The following ZFC3H1 variants were observed in gnomAD, a reference collection of about 807,000 sequenced individuals.
The protein encoded by ZFC3H1 is zinc finger C3H1-type containing, also known as zinc finger C3H1 domain-containing protein.
A neutral mutation model predicts 243.7 loss-of-function variants in ZFC3H1; 71 were observed. That is an observed-to-expected ratio of 0.29 (90% confidence interval 0.24 to 0.36). The LOEUF is 0.36. Ranked by LOEUF, ZFC3H1 falls within the 10% of genes least tolerant of loss-of-function variation. The pLI, the probability that ZFC3H1 is intolerant of heterozygous loss-of-function variation, is 1.00. For synonymous variants in ZFC3H1, 838 were observed against 813.0 expected (o/e 1.03, Z -0.52); for missense variants, 1,966 against 2,317.1 (o/e 0.85, Z 3.11).
At chr12:71,630,480 T>C (rs1224082859) in intron 18 of ZFC3H1, 120 bp downstream of exon 18, 39 of 1,303,828 alleles carry the variant, frequency 3.0e-5, no homozygotes, top group Non-Finnish European at 3.0e-5. Flanking sequence ...CTAGATAAAG[T>C]ATTATGGGTA....
At chr12:71,652,997 T>C (rs1880930493) in intron 2 of ZFC3H1, among the ~76,000 whole-genome samples, 1 of 147,562 alleles carries the variant, frequency 6.8e-6, no homozygotes, top group Non-Finnish European at 1.5e-5. Flanking sequence ...ACAAAATCAC[T>C]AAATGTTCAA....
chr12:71,632,399 A>C lies in ZFC3H1; in HGVS notation c.2933T>G (p.Leu978Arg). 6.2e-7 allele frequency: 1 copy of C among 1,612,934 alleles called. No homozygotes were observed. Among genetic ancestry groups the C allele is most frequent in the Non-Finnish European group, 8.5e-7 (1 of 1,179,826 alleles). Reference sequence around the variant, plus strand: ...GGCTTCTTTTAATTTTTGAATTTTCAGGGCATATTCATATTCTAGCTTTTG... The same window carrying C: ...GGCTTCTTTTAATTTTTGAATTTTCCGGGCATATTCATATTCTAGCTTTTG... The part of the protein sequence containing the change: ...RLQKLEYEYA[L>R]KIQKLKEARA... Residue 978 changes from leucine to arginine, a missense_variant, in exon 15 of 35, where the codon CTG (leucine) becomes CGG (arginine). Physicochemically the swap from Leu to Arg is moderately radical, Grantham distance 102. This residue lies in a region of ZFC3H1 where 1,383 missense variants were observed against 1,723.7 expected (regional missense o/e 0.80). Coordinates refer to ENST00000378743, the MANE Select transcript of ZFC3H1 (RefSeq NM_144982.5).
At chr12:71,642,386 C>G (rs1158243229) in intron 6 of ZFC3H1, 50 bp downstream of exon 6, 2 of 1,556,830 alleles carry the variant, frequency 1.3e-6, no homozygotes, top group Non-Finnish European at 1.7e-6. Context: ...AATGACTATT[C>G]TCTATTTAAT....
chr12:71,633,512 AAGTAAT>A (rs1880377663), intron 12 of ZFC3H1, 74 bp from the exon 13 acceptor site: 1 of 1,237,778 alleles, frequency 8.1e-7, no homozygotes, highest in Non-Finnish European at 1.1e-6. Flanking sequence ...AAAATTTTCA[AAGTAAT>A]AACACAATTT....
At chr12:71,626,207 T>TACAC in intron 22 of ZFC3H1, 53 bp downstream of exon 22, 1 of 1,340,534 alleles carries the variant, frequency 7.5e-7, no homozygotes, top group East Asian at 2.6e-5. Context: ...TCCAAATAAT[T>TACAC]ATACACACAC....
Position 71,634,145 on chromosome 12 carries a change from C to T in ZFC3H1, c.2510+10G>A. On this transcript the variant is annotated intron_variant, in intron 12 of 34. Transcript: ENST00000378743. ...GGAACAATTAGATATGTGAAGATAACAAGGCTCACCTATGTTTTTTCAGTT... is the reference window on the plus strand; with the variant it reads ...GGAACAATTAGATATGTGAAGATAATAAGGCTCACCTATGTTTTTTCAGTT... The T allele has an allele frequency of 6.2e-7, 1 of 1,607,380 alleles. No individual in the cohort carries two copies. Among genetic ancestry groups the T allele is most frequent in the South Asian group, 1.1e-5 (1 of 89,760 alleles).
rs374737206 is a variant in ZFC3H1 at position 71,663,380 on chromosome 12, G to A, written c.231C>T (p.Ser77=). Reference sequence around the variant, plus strand: ...AATTCCTCAGCTGCTGCTGAGAAGAGGACGATGACGAGGAAGAGCCACCGC... The same window carrying A: ...AATTCCTCAGCTGCTGCTGAGAAGAAGACGATGACGAGGAAGAGCCACCGC... ...GGGGGSSSSS[S]SSQQQLRNFS... Residue 77 remains serine (S), a synonymous_variant, in exon 1 of 35, where the codon TCC becomes TCT. Coordinates refer to ENST00000378743, the MANE Select transcript of ZFC3H1 (RefSeq NM_144982.5). 2.5e-6 allele frequency: 4 copies of A among 1,612,422 alleles called. No homozygotes were observed. In the African/African-American group the frequency reaches 5.3e-5, roughly 22 times the overall value.
chr12:71,613,016 G>A (rs1406631268), intron 31 of ZFC3H1, among the ~76,000 whole-genome samples: 1 of 152,140 alleles, frequency 6.6e-6, no homozygotes, highest in East Asian at 1.9e-4. Context: ...ATATTCCCTT[G>A]CCGTGGAAAA....
chr12:71,626,145 T>C (rs1880158928), intron 22 of ZFC3H1, 115 bp downstream of exon 22: 2 of 1,086,416 alleles, frequency 1.8e-6, no homozygotes, highest in Admixed American at 2.5e-5. Context: ...ATTATGTCTA[T>C]ATTCAGATAA....
intron 20 of ZFC3H1, 80 bp from the exon 21 acceptor site, chr12:71,628,014 C>A: frequency 7.3e-7 from 1 of 1,370,770 alleles, no homozygotes; most frequent in Non-Finnish European, 9.9e-7. Context: ...TTGGTCTCAT[C>A]TTTAAAGTAA....
At chr12:71,649,983 T>C (rs922375907) in intron 2 of ZFC3H1, among the ~76,000 whole-genome samples, 1 of 152,146 alleles carries the variant, frequency 6.6e-6, no homozygotes, top group African/African-American at 2.4e-5. Flanking sequence ...GGTCAGGAGA[T>C]CGAGACCATC....
chr12:71,642,363 T>C, intron 6 of ZFC3H1, 73 bp downstream of exon 6: 1 of 1,485,444 alleles, frequency 6.7e-7, no homozygotes, highest in Non-Finnish European at 9.0e-7. Context: ...TCTTTAAAGG[T>C]TTTGAGTACC....
rs1322114584 is a variant in ZFC3H1 at position 71,620,004 on chromosome 12, T to C, written c.4971A>G (p.Ala1657=). The C allele has an allele frequency of 6.2e-7, 1 of 1,612,880 alleles. No homozygotes were observed. The highest frequency in any genetic ancestry group is 1.7e-5 in the Admixed American group (1 of 59,824). The change falls in exon 26 of 35, where the codon GCA becomes GCG. Residue 1657 remains alanine, a synonymous_variant. Transcript: ENST00000378743. The part of the protein sequence containing the change: ...LQTNQHDKAR[A]VWLTAFEKNP... ...TTTTTTCAAATGCAGTAAGCCACAC[T>C]GCTCTGGCTTTGTCATGCTGATTTG...
intron 7 of ZFC3H1, 31 bp downstream of exon 7, chr12:71,638,387 A>G: frequency 6.3e-7 from 1 of 1,592,420 alleles, no homozygotes; most frequent in Non-Finnish European, 8.6e-7. Flanking sequence ...ACAAGACAAA[A>G]TAATTTTCTT....
rs1879991459 is a variant in ZFC3H1, at chr12:71,620,206, G to T, written c.4850+4C>A. ...AGGTTAGCTGCTTGGCAATTAAGTT[G>T]TACCTCTCCAGGAGTTGGTGCAGAG... On this transcript the variant is annotated splice_donor_region_variant and intron_variant, in intron 25 of 34. Transcript: ENST00000378743. 3 of 1,614,064 alleles carry T rather than the reference G, an allele frequency of 1.9e-6. No individual in the cohort carries two copies. The highest frequency in any genetic ancestry group is 2.5e-6 in the Non-Finnish European group (3 of 1,179,990).
chr12:71,657,465 C>G (rs1270474321), intron 1 of ZFC3H1, among the ~76,000 whole-genome samples, 164 bp from the exon 2 acceptor site: 2 of 152,120 alleles, frequency 1.3e-5, no homozygotes, highest in African/African-American at 2.4e-5. Context: ...GCAGCTAATG[C>G]CCACTTTCAT....
rs766603254 is a variant in ZFC3H1, at chr12:71,634,796, T to G, written c.2268A>C (p.Lys756Asn). The G allele has an allele frequency of 2.2e-5, 36 of 1,603,412 alleles. No individual in the cohort carries two copies. Among genetic ancestry groups the G allele is most frequent in the Non-Finnish European group, 2.9e-5 (34 of 1,176,884 alleles). The change falls in exon 11 of 35, where the codon AAA (lysine) becomes AAC (asparagine). Residue 756 changes from lysine (K) to asparagine (N), a missense_variant. Transcript: ENST00000378743. ...GCAGAGGATCATTTTCTTTTTCAGA[T>G]TTTGGAGGTACTTTCGGTTTTGAAG... ...EQASKPKVPPKSEKENDPLRT... is the reference protein window; with the variant it reads ...EQASKPKVPPNSEKENDPLRT...
rs773959357 is a variant in ZFC3H1 at position 71,631,803 on chromosome 12, G to T, written c.3445C>A (p.Pro1149Thr). 6.2e-7 allele frequency: 1 copy of T among 1,611,982 alleles called. No homozygotes were observed. The highest frequency in any genetic ancestry group is 8.5e-7 in the Non-Finnish European group (1 of 1,179,236). ...KPCPFRPYHS[P>T]LLVFKSYRFS... is the part of the protein sequence containing the mutation. ...CTGTAGGACTTAAAAACTAGAAGAGGACTATGGTAGGGTCTAAAAGGACAT... is the reference window on the plus strand; with the variant it reads ...CTGTAGGACTTAAAAACTAGAAGAGTACTATGGTAGGGTCTAAAAGGACAT... Residue 1149 changes from proline (P) to threonine (T), a missense_variant, in exon 16 of 35, where the codon CCT (proline) becomes ACT (threonine). Pro to Thr is a conservative substitution (Grantham distance 38, BLOSUM62 -1). This residue lies in a region of ZFC3H1 where 1,383 missense variants were observed against 1,723.7 expected (regional missense o/e 0.80). Transcript: ENST00000378743.
chr12:71,632,921 T>C lies in ZFC3H1; in HGVS notation c.2782A>G (p.Ile928Val). The part of the protein sequence containing the change: ...ARAKAVASKE[I>V]GKRKLEQDRF... ...TCTTGTTCCAGTTTACGTTTTCCTA[T>C]TTCTTTACTGGCCACTGCCTTTGCC... Residue 928 changes from isoleucine (I) to valine (V), a missense_variant, in exon 14 of 35, where the codon ATA (isoleucine) becomes GTA (valine). Ile to Val is a conservative substitution (Grantham distance 29). Transcript: ENST00000378743. 1 of 1,613,230 alleles carries C rather than the reference T, an allele frequency of 6.2e-7. No individual in the cohort carries two copies. Among genetic ancestry groups the C allele is most frequent in the Non-Finnish European group, 8.5e-7 (1 of 1,179,764 alleles).
Sources: gnomAD v4.1 joint callset for allele counts (sites outside exome capture counted in the v4.1 genomes callset) on GRCh38, gnomAD v4.1.1 for gene constraint, gnomAD v4.1.1 regional missense constraint, MANE v1.5 for transcripts, NCBI Gene and HGNC (gene_info 2026-07-23, HGNC 2026-07-21) for gene names.